SCFD2: variants seen among roughly 807,000 people sequenced by gnomAD.
SCFD2 encodes sec1 family domain-containing protein 2.
SCFD2 carries 54 observed loss-of-function variants against 58.9 expected under a neutral mutation model. The ratio of observed to expected loss-of-function variants is 0.92; its 90% CI spans 0.74 to 1.15. The LOEUF is 1.15. Among genes scored for constraint, SCFD2 ranks in the 50% most tolerant of loss-of-function variants. The pLI is 0.00. For synonymous variants in SCFD2, 321 were observed against 335.9 expected, an observed-to-expected ratio of 0.96 and a Z score of 0.49; for missense variants, 805 against 836.6, an observed-to-expected ratio of 0.96 and a Z score of 0.47.
intron 3 of SCFD2, among the ~76,000 whole-genome samples, chr4:53,295,751 C>T (rs1018562310): frequency 6.6e-6 from 1 of 151,802 alleles, no homozygotes; most frequent in South Asian, 2.1e-4. Context: ...TTTGCCCATT[C>T]ATTATGATAT....
At chr4:53,344,402 G>C (rs1733988825) in intron 2 of SCFD2, among the ~76,000 whole-genome samples, 2 of 152,158 alleles carry the variant, frequency 1.3e-5, no homozygotes, top group East Asian at 3.9e-4. Flanking sequence ...GGGATGTGAA[G>C]GACCTCTTCA....
At chr4:52,885,189 C>CT (rs1242239901) in intron 8 of SCFD2, among the ~76,000 whole-genome samples, 1 of 152,206 alleles carries the variant, frequency 6.6e-6, no homozygotes, top group East Asian at 1.9e-4. Context: ...CCACACTCCT[C>CT]TGGCCCCGCC....
intron 4 of SCFD2, among the ~76,000 whole-genome samples, chr4:53,221,793 A>G (rs1190284290): frequency 6.6e-6 from 1 of 152,214 alleles, no homozygotes; most frequent in Non-Finnish European, 1.5e-5. Flanking sequence ...GAAGATGGAG[A>G]TTAGAAAATG....
In SCFD2 at chr4:53,365,583, G is replaced by A. The variant is rs1231726744; in HGVS notation, c.359C>T (p.Ala120Val). Residue 120 changes from alanine to valine, a missense_variant, in exon 1 of 9, where the codon GCG (alanine) becomes GTG (valine). Ala to Val is a moderately conservative substitution (Grantham distance 64). Coordinates refer to ENST00000401642, the MANE Select transcript of SCFD2 (RefSeq NM_152540.4). The surrounding 1 kb of genome is among the most constrained non-coding windows in gnomAD (Gnocchi z 4.3). ...AVHLTANHVP[A>V]AAAAEMEGQQ... The stretch of plus-strand genomic sequence containing the variant: ...CCCCTCCATCTCGGCCGCTGCCGCC[G>A]CTGGGACATGATTAGCTGTGAGGTG... 12 of 1,614,022 alleles carry A rather than the reference G, an allele frequency of 7.4e-6. No individual in the cohort carries two copies. The highest frequency in any genetic ancestry group is 1.0e-5 in the Non-Finnish European group (12 of 1,180,008).
rs139498530 is a variant in SCFD2, at chr4:53,145,471, G to A, written c.1423C>T (p.Leu475Phe). The change falls in exon 5 of 9, where the codon CTC (leucine) becomes TTC (phenylalanine). Residue 475 changes from leucine to phenylalanine, a missense_variant. Physicochemically the swap from Leu to Phe is conservative, Grantham distance 22 (BLOSUM62 0). Coordinates refer to ENST00000401642, the MANE Select transcript of SCFD2 (RefSeq NM_152540.4). The stretch of plus-strand genomic sequence containing the variant: ...CCAGTGACAGAATAAATATATATGA[G>A]AAGGATCAGCAGTTCCTCAGGGCTG... Reference protein sequence around the residue: ...DYSPEELLILLIYIYSVTGEL... With the variant: ...DYSPEELLILFIYIYSVTGEL... 24 of 1,614,002 alleles carry A rather than the reference G, an allele frequency of 1.5e-5. No individual in the cohort carries two copies. The highest frequency in any genetic ancestry group is 2.2e-5 in the East Asian group (1 of 44,892).
intron 2 of SCFD2, among the ~76,000 whole-genome samples, chr4:53,331,581 G>A (rs1733471610): frequency 6.6e-6 from 1 of 152,014 alleles, no homozygotes; most frequent in Non-Finnish European, 1.5e-5. Context: ...AGAATCTCTG[G>A]GACACATTCA....
intron 4 of SCFD2, among the ~76,000 whole-genome samples, chr4:53,172,921 C>T (rs571553996): frequency 4.2e-4 from 64 of 152,264 alleles, no homozygotes; most frequent in South Asian, 2.5e-3. Context: ...TAATCTGTCC[C>T]TTGAAAGTCA....
chr4:53,254,858 T>G lies in SCFD2; in HGVS notation c.1311+18968A>C, dbSNP rs566910123. Among the ~76,000 whole-genome samples the G allele has an allele frequency of 2.6e-3, 381 of 146,238 alleles. 1 individual carries two copies. Among genetic ancestry groups the G allele is most frequent in the African/African-American group, 9.1e-3 (363 of 39,690 alleles). ...TTATTTTATTTTATTTTATTTTATT[T>G]TATTTATTTTATTTTATTTTATTTT... is the stretch of plus-strand genomic sequence containing the variant. On this transcript the variant is annotated intron_variant, in intron 4 of 8. Coordinates refer to ENST00000401642, the MANE Select transcript of SCFD2 (RefSeq NM_152540.4).
chr4:53,238,025 A>C (rs1392073814), intron 4 of SCFD2, among the ~76,000 whole-genome samples: 30 of 95,996 alleles, frequency 3.1e-4, no homozygotes, highest in South Asian at 8.1e-4. Context: ...ACCTCCCTCC[A>C]AGATGGGGTG....
chr4:53,241,637 C>T (rs1357737551), intron 4 of SCFD2, among the ~76,000 whole-genome samples: 1 of 152,234 alleles, frequency 6.6e-6, no homozygotes, highest in East Asian at 1.9e-4. Context: ...CCCTGCACAT[C>T]GCTTTGCCAG....
At chr4:53,144,405 G>A (rs1577772948) in intron 5 of SCFD2, among the ~76,000 whole-genome samples, 2 of 148,564 alleles carry the variant, frequency 1.3e-5, no homozygotes, top group South Asian at 4.2e-4. Flanking sequence ...ACATATACAT[G>A]TATATATATG....
At chr4:53,268,528 G>A (rs1313190155) in intron 4 of SCFD2, among the ~76,000 whole-genome samples, 1 of 152,026 alleles carries the variant, frequency 6.6e-6, no homozygotes, top group African/African-American at 2.4e-5. Flanking sequence ...GGGGTGGTGA[G>A]GGCAGCTAAA....
chr4:53,229,891 C>A (rs1010245829), intron 4 of SCFD2, among the ~76,000 whole-genome samples: 4 of 152,108 alleles, frequency 2.6e-5, no homozygotes, highest in Admixed American at 6.6e-5. Flanking sequence ...GGGCTAATAT[C>A]CAGAATCTAC....
chr4:53,263,396 T>C (rs1730885114), intron 4 of SCFD2, among the ~76,000 whole-genome samples: 2 of 152,184 alleles, frequency 1.3e-5, no homozygotes, highest in Admixed American at 1.3e-4. Flanking sequence ...AGGGAAGATC[T>C]GGGACTCGGG....
intron 5 of SCFD2, among the ~76,000 whole-genome samples, chr4:53,037,946 T>C (rs901868432): frequency 1.3e-5 from 2 of 152,110 alleles, no homozygotes; most frequent in South Asian, 2.1e-4. Flanking sequence ...CTGGGGAATA[T>C]AGATCTTGGA....
chr4:52,944,042 C>G (rs1720358054), intron 5 of SCFD2, among the ~76,000 whole-genome samples: 1 of 152,090 alleles, frequency 6.6e-6, no homozygotes, highest in Non-Finnish European at 1.5e-5. Context: ...TAGAAACTGA[C>G]AAGGATAATG....
intron 4 of SCFD2, among the ~76,000 whole-genome samples, chr4:53,233,173 A>G (rs1729491738): frequency 1.3e-5 from 2 of 152,174 alleles, no homozygotes; most frequent in Admixed American, 1.3e-4. Context: ...AAAAAAATCA[A>G]TTAGTGTTAT....
chr4:53,306,828 G>A (rs772411590), intron 3 of SCFD2, among the ~76,000 whole-genome samples: 12 of 152,242 alleles, frequency 7.9e-5, no homozygotes, highest in Non-Finnish European at 1.2e-4. Context: ...TGGTTCCACA[G>A]AGAAAGTGAC....
intron 5 of SCFD2, chr4:52,958,015 T>C (rs1265640470): frequency 1.3e-5 from 2 of 152,208 alleles, no homozygotes; most frequent in Admixed American, 6.5e-5. Context: ...GTAAATGTGA[T>C]TATGATCCCA....
Sources: gnomAD v4.1 joint callset for allele counts (sites outside exome capture counted in the v4.1 genomes callset) on GRCh38, gnomAD v4.1.1 for gene constraint, Gnocchi (gnomAD v3.1) non-coding constraint, MANE v1.5 for transcripts, NCBI Gene and HGNC (gene_info 2026-07-23, HGNC 2026-07-21) for gene names.